DLC1: variants seen among roughly 807,000 people sequenced by gnomAD.
DLC1 encodes the protein rho GTPase-activating protein 7.
A neutral mutation model predicts 140.3 loss-of-function variants in DLC1; 54 were observed. The observed-to-expected ratio is 0.38, with a 90% CI of 0.31 to 0.48. The LOEUF (loss-of-function observed/expected upper bound fraction) is 0.48, where lower values mean the gene tolerates loss of function less well. DLC1 is among the 20% of genes least tolerant of loss of function. The pLI is 0.96. For missense variants in DLC1, 2,536 were observed against 1,907.0 expected, an observed-to-expected ratio of 1.33 and a Z score of -6.14; for synonymous variants, 986 against 728.1, an observed-to-expected ratio of 1.35 and a Z score of -5.70.
At chr8:13,180,769 C>G (rs148494781) in intron 5 of DLC1, among the ~76,000 whole-genome samples, 2 of 152,242 alleles carry the variant, frequency 1.3e-5, no homozygotes, top group East Asian at 3.9e-4. Flanking sequence ...AAAACCAAAA[C>G]CATCACATGA....
chr8:13,110,456 C>T (rs772639017), intron 7 of DLC1, among the ~76,000 whole-genome samples: 2 of 152,156 alleles, frequency 1.3e-5, no homozygotes, highest in African/African-American at 4.8e-5. Context: ...CCTTAATCCA[C>T]GTTTCCAAAC....
At chr8:13,093,148 G>GA (rs35750541) in intron 12 of DLC1, among the ~76,000 whole-genome samples, 8 of 150,210 alleles carry the variant, frequency 5.3e-5, no homozygotes, top group African/African-American at 1.5e-4. Context: ...TCCTAAGCAT[G>GA]AAAAAAAAAA....
chr8:13,302,823 C>T (rs564658788), intron 5 of DLC1, among the ~76,000 whole-genome samples: 1 of 151,648 alleles, frequency 6.6e-6, no homozygotes, highest in Non-Finnish European at 1.5e-5. Flanking sequence ...CATGGCCATT[C>T]CTCTGTCTAG....
At chr8:13,593,135 G>T (rs1245417357) in intron 1 of DLC1, among the ~76,000 whole-genome samples, 2 of 152,100 alleles carry the variant, frequency 1.3e-5, no homozygotes, top group Non-Finnish European at 1.5e-5. Flanking sequence ...CTATGTTCCA[G>T]TTGATAATTT....
chr8:13,553,969 C>G (rs1238234300), intron 1 of DLC1, among the ~76,000 whole-genome samples: 1 of 152,052 alleles, frequency 6.6e-6, no homozygotes, highest in Non-Finnish European at 1.5e-5. Context: ...ATCCCTGCCC[C>G]CTTGTCATTA....
At chr8:13,596,336 T>C (rs973468121) in intron 1 of DLC1, among the ~76,000 whole-genome samples, 1 of 152,008 alleles carries the variant, frequency 6.6e-6, no homozygotes, top group Non-Finnish European at 1.5e-5. Context: ...GTAGCTTTTC[T>C]TGGCAGAGCC....
intron 5 of DLC1, among the ~76,000 whole-genome samples, chr8:13,120,474 G>A (rs538870781): frequency 1.3e-5 from 2 of 149,986 alleles, no homozygotes; most frequent in South Asian, 2.1e-4. Context: ...CTTTGGACAC[G>A]TTTATCTACC....
At chr8:13,152,008 C>G (rs1194007213) in intron 5 of DLC1, among the ~76,000 whole-genome samples, 1 of 152,116 alleles carries the variant, frequency 6.6e-6, no homozygotes, top group East Asian at 1.9e-4. Flanking sequence ...CTATCTATTG[C>G]TGTGTCATAT....
Position 13,479,850 on chromosome 8 carries a change from G to GAAGAAGAAGAAGAGAAA in DLC1, c.1023+19198_1023+19199insTTTCTCTTCTTCTTCTT, listed in dbSNP as rs1800621534. ...AGAAGAAGAAGAAGAAGAAGAAGAA[G>GAAGAAGAAGAAGAGAAA]AAGAAGAAGAGAAAAAGAAAGAAAG... On this transcript the variant is annotated intron_variant, in intron 2 of 17. Coordinates refer to ENST00000276297, the MANE Select transcript of DLC1 (RefSeq NM_182643.3). Among the ~76,000 whole-genome samples the GAAGAAGAAGAAGAGAAA allele has an allele frequency of 1.6e-4, 3 of 18,240 alleles. 1 individual carries two copies. Among genetic ancestry groups the GAAGAAGAAGAAGAGAAA allele is most frequent in the African/African-American group, 3.8e-4 (3 of 7,838 alleles). The allele number at this position is 18,240 out of a possible 152,430, so 12.0% of individuals were successfully genotyped here.
intron 16 of DLC1, 144 bp from the exon 17 acceptor site, chr8:13,086,607 A>C (rs1817589290): frequency 2.4e-6 from 2 of 850,662 alleles, no homozygotes; most frequent in Non-Finnish European, 3.6e-6. Flanking sequence ...GGTAAATGGC[A>C]TCCTCTAAAC....
At chr8:13,359,441 C>A (rs1835116753) in intron 4 of DLC1, among the ~76,000 whole-genome samples, 1 of 152,162 alleles carries the variant, frequency 6.6e-6, no homozygotes, top group Admixed American at 6.5e-5. Flanking sequence ...TGAAAAGAGT[C>A]CAGTTCTGCT....
At chr8:13,263,473 A>C (rs1830549056) in intron 5 of DLC1, among the ~76,000 whole-genome samples, 1 of 151,968 alleles carries the variant, frequency 6.6e-6, no homozygotes, top group African/African-American at 2.4e-5. Context: ...AATATTACTT[A>C]TTACTTACTT....
chr8:13,281,420 C>A (rs967734100), intron 5 of DLC1, among the ~76,000 whole-genome samples: 1 of 152,148 alleles, frequency 6.6e-6, no homozygotes, highest in African/African-American at 2.4e-5. Flanking sequence ...GACCTGGGGA[C>A]AAACAAAATT....
chr8:13,381,685 G>T (rs1241163197), intron 4 of DLC1, among the ~76,000 whole-genome samples: 1 of 152,126 alleles, frequency 6.6e-6, no homozygotes, highest in African/African-American at 2.4e-5. Flanking sequence ...AAATGAGCCA[G>T]TCAACCCCCA....
chr8:13,227,159 G>A (rs111410040), intron 5 of DLC1, among the ~76,000 whole-genome samples: 3,178 of 152,174 alleles, frequency 0.021, 130 homozygotes, highest in African/African-American at 0.072. Flanking sequence ...TATTGCTAAT[G>A]ATATTAGTGA....
At chr8:13,561,819 G>C (rs1804254401) in intron 1 of DLC1, among the ~76,000 whole-genome samples, 1 of 152,134 alleles carries the variant, frequency 6.6e-6, no homozygotes, top group Admixed American at 6.5e-5. Flanking sequence ...TTTTAAAAAT[G>C]GGTAAGGTTA....
At chr8:13,514,102 T>G (rs1802494178) in intron 1 of DLC1, among the ~76,000 whole-genome samples, 1 of 151,990 alleles carries the variant, frequency 6.6e-6, no homozygotes, top group Non-Finnish European at 1.5e-5. Flanking sequence ...GAAACTGGCT[T>G]GGGTAAAATA....
At chr8:13,294,054 A>G (rs569086380) in intron 5 of DLC1, among the ~76,000 whole-genome samples, 2 of 152,328 alleles carry the variant, frequency 1.3e-5, no homozygotes, top group African/African-American at 4.8e-5. Flanking sequence ...TTAATATTAT[A>G]GTGTCATACT....
intron 2 of DLC1, among the ~76,000 whole-genome samples, chr8:13,446,898 C>T (rs553790831): frequency 4.7e-5 from 7 of 150,402 alleles, no homozygotes; most frequent in Non-Finnish European, 8.8e-5. Flanking sequence ...GCTGAGATCG[C>T]GCCATTGTAC....
Sources: allele counts gnomAD v4.1 joint callset (sites outside exome capture counted in the v4.1 genomes callset), GRCh38; gene constraint gnomAD v4.1.1; transcripts MANE v1.5; gene names NCBI Gene and HGNC (gene_info 2026-07-23, HGNC 2026-07-21).